CCDC6: variants seen among roughly 807,000 people sequenced by gnomAD.
CCDC6 encodes coiled-coil domain-containing protein 6.
In CCDC6, 20 loss-of-function variants were observed where a neutral mutation model predicts 56.6. That is an observed-to-expected ratio of 0.35 (90% confidence interval 0.25 to 0.51). The LOEUF is 0.51. Among genes scored for constraint, CCDC6 ranks in the 20% least tolerant of loss-of-function variants. The probability of loss-of-function intolerance (pLI) is 0.95; values close to 1 mark genes in which losing one functional copy is unlikely to be tolerated. For missense variants in CCDC6, 367 were observed against 601.1 expected, an observed-to-expected ratio of 0.61 and a Z score of 4.07; for synonymous variants, 241 against 234.4, an observed-to-expected ratio of 1.03 and a Z score of -0.26.
At position 59,875,070 on chromosome 10, in the gene CCDC6, T is replaced by C. The variant is rs79908032; in HGVS notation, c.304-22368A>G. Among the ~76,000 whole-genome samples, 686 of 152,324 alleles carry C rather than the reference T, an allele frequency of 4.5e-3. 8 individuals are homozygous for C. Among genetic ancestry groups the C allele is most frequent in the South Asian group, 0.036 (174 of 4,830 alleles). On this transcript the variant is annotated intron_variant, in intron 1 of 8. Transcript: ENST00000263102. ...CTGACAATGAAATAATATGTTGCCA[T>C]GATTAAGAACAAGTGAAAATTGTCA...
intron 1 of CCDC6, among the ~76,000 whole-genome samples, chr10:59,884,567 A>G (rs2071368318): frequency 6.6e-6 from 1 of 152,188 alleles, no homozygotes; most frequent in Non-Finnish European, 1.5e-5. Context: ...AGTTCCCAGA[A>G]TACTTTACAG....
intron 1 of CCDC6, among the ~76,000 whole-genome samples, chr10:59,888,012 G>C (rs369664688): frequency 6.6e-6 from 1 of 152,266 alleles, no homozygotes; most frequent in East Asian, 1.9e-4. Flanking sequence ...CAGACTTGCC[G>C]TGAGACTCAA....
intron 1 of CCDC6, among the ~76,000 whole-genome samples, chr10:59,882,845 A>T (rs2071354806): frequency 6.6e-6 from 1 of 152,168 alleles, no homozygotes; most frequent in African/African-American, 2.4e-5. Flanking sequence ...CTGTAATCCC[A>T]GCTACTCAGC....
chr10:59,822,933 C>T (rs1482228588), intron 3 of CCDC6, among the ~76,000 whole-genome samples: 1 of 151,834 alleles, frequency 6.6e-6, no homozygotes, highest in Admixed American at 6.6e-5. Context: ...AGCCGGTAGA[C>T]AGGACTACAG....
intron 2 of CCDC6, among the ~76,000 whole-genome samples, chr10:59,836,875 T>C (rs2070887547): frequency 1.3e-5 from 2 of 152,196 alleles, no homozygotes; most frequent in Non-Finnish European, 2.9e-5. Context: ...GAAAAATATA[T>C]TAACAGAACT....
chr10:59,794,436 G>C (rs751144475), intron 8 of CCDC6, 37 bp downstream of exon 8: 24 of 1,609,112 alleles, frequency 1.5e-5, no homozygotes, highest in African/African-American at 2.7e-5. Flanking sequence ...ACCACTTTCA[G>C]GAGTAAAGTG....
At chr10:59,887,742 C>A (rs1288374982) in intron 1 of CCDC6, among the ~76,000 whole-genome samples, 2 of 152,026 alleles carry the variant, frequency 1.3e-5, no homozygotes, top group South Asian at 2.1e-4. Context: ...GGGTCAAATG[C>A]GACATTGGAA....
At chr10:59,815,950 C>T (rs1468735205) in intron 3 of CCDC6, among the ~76,000 whole-genome samples, 4 of 152,170 alleles carry the variant, frequency 2.6e-5, no homozygotes, top group African/African-American at 4.8e-5. Flanking sequence ...ATCCAAAGTG[C>T]GGTTTTACTT....
intron 1 of CCDC6, among the ~76,000 whole-genome samples, chr10:59,895,314 CCAAA>C (rs1287344764): frequency 6.6e-6 from 1 of 152,068 alleles, no homozygotes; most frequent in Non-Finnish European, 1.5e-5. Flanking sequence ...AGAAAACCGA[CCAAA>C]CAAAAAGGCC....
chr10:59,884,041 T>C (rs941727217), intron 1 of CCDC6, among the ~76,000 whole-genome samples: 1 of 152,220 alleles, frequency 6.6e-6, no homozygotes, highest in East Asian at 1.9e-4. Flanking sequence ...TTTAAACTCC[T>C]AACATCAACC....
In CCDC6 at chr10:59,881,493, C is replaced by T. The variant is rs144113884; in HGVS notation, c.303+24629G>A. Among the ~76,000 whole-genome samples, 500 of 152,198 alleles carry T rather than the reference C, an allele frequency of 3.3e-3. 5 individuals are homozygous for T. The highest frequency in any genetic ancestry group is 0.012 in the African/African-American group (488 of 41,510). On this transcript the variant is annotated intron_variant, in intron 1 of 8. Transcript: ENST00000263102. ...CCTCTCTTAGGGATCAGCTGAGGGC[C>T]TACTAAAATTTCAGATTCATTTTGG...
chr10:59,869,843 C>T (rs1027114096), intron 1 of CCDC6, among the ~76,000 whole-genome samples: 3 of 152,232 alleles, frequency 2.0e-5, no homozygotes, highest in South Asian at 2.1e-4. Context: ...CCTCTTGCCC[C>T]GACACCCACG....
intron 1 of CCDC6, among the ~76,000 whole-genome samples, chr10:59,893,022 T>A (rs2071434163): frequency 6.6e-6 from 1 of 152,158 alleles, no homozygotes; most frequent in Admixed American, 6.5e-5. Context: ...CAATAAAAAA[T>A]AACTCACTAT....
chr10:59,900,844 A>T (rs1210217807), intron 1 of CCDC6, among the ~76,000 whole-genome samples: 1 of 152,184 alleles, frequency 6.6e-6, no homozygotes, highest in Non-Finnish European at 1.5e-5. Context: ...GGATCACTTT[A>T]GGCCAGGAGT....
chr10:59,874,767 G>A (rs781052160), intron 1 of CCDC6, among the ~76,000 whole-genome samples: 1 of 152,110 alleles, frequency 6.6e-6, no homozygotes, highest in Non-Finnish European at 1.5e-5. Flanking sequence ...ATGATGACTT[G>A]ACTTGCCATT....
At chr10:59,898,866 G>A (rs1245033854) in intron 1 of CCDC6, among the ~76,000 whole-genome samples, 1 of 152,166 alleles carries the variant, frequency 6.6e-6, no homozygotes, top group Non-Finnish European at 1.5e-5. Context: ...AATGAGTATT[G>A]TAATGAACTA....
chr10:59,828,434 A>C (rs2070807178), intron 3 of CCDC6, among the ~76,000 whole-genome samples: 1 of 152,238 alleles, frequency 6.6e-6, no homozygotes, highest in Non-Finnish European at 1.5e-5. Context: ...ATGCTAAATA[A>C]ATGCCAAAAA....
intron 1 of CCDC6, among the ~76,000 whole-genome samples, chr10:59,874,329 G>A (rs940731192): frequency 2.6e-5 from 4 of 152,120 alleles, no homozygotes; most frequent in Non-Finnish European, 5.9e-5. Context: ...CAAGACTAGA[G>A]TTTCTGTAAT....
intron 1 of CCDC6, among the ~76,000 whole-genome samples, chr10:59,867,980 C>A (rs899065078): frequency 6.0e-4 from 91 of 152,290 alleles, no homozygotes; most frequent in African/African-American, 2.1e-3. Flanking sequence ...TATTATGTTT[C>A]CCTAAAGTGT....
Sources: gnomAD v4.1 joint callset for allele counts (sites outside exome capture counted in the v4.1 genomes callset) on GRCh38, gnomAD v4.1.1 for gene constraint, MANE v1.5 for transcripts, NCBI Gene and HGNC (gene_info 2026-07-23, HGNC 2026-07-21) for gene names.